The following GFRA1 variants were observed in gnomAD, a reference collection of about 807,000 sequenced individuals.
The protein encoded by GFRA1 is GDNF family receptor alpha-1.
A neutral mutation model predicts 51.6 loss-of-function variants in GFRA1; 16 were observed. The ratio of observed to expected loss-of-function variants is 0.31; its 90% CI spans 0.21 to 0.47. The LOEUF is 0.47. Ranked by LOEUF, GFRA1 falls within the 20% of genes least tolerant of loss-of-function variation. The pLI, the probability that GFRA1 is intolerant of heterozygous loss-of-function variation, is 1.00. For synonymous variants in GFRA1, 270 were observed against 241.3 expected, an observed-to-expected ratio of 1.12 and a Z score of -1.10; for missense variants, 530 against 594.3, an observed-to-expected ratio of 0.89 and a Z score of 1.13.
At chr10:116,238,404 CCT>C (rs1967077549) in intron 4 of GFRA1, among the ~76,000 whole-genome samples, 2 of 152,192 alleles carry the variant, frequency 1.3e-5, no homozygotes, top group Non-Finnish European at 2.9e-5. Flanking sequence ...ACATGGAAGG[CCT>C]GCCTTCCGAA....
chr10:116,159,178 A>G (rs1959481276), intron 5 of GFRA1, among the ~76,000 whole-genome samples: 2 of 152,274 alleles, frequency 1.3e-5, no homozygotes, highest in South Asian at 4.1e-4. Flanking sequence ...CAGAGTTACT[A>G]AAGTCAGGAT....
intron 6 of GFRA1, among the ~76,000 whole-genome samples, chr10:116,102,657 G>A (rs12779467): frequency 0.19 from 28,494 of 152,066 alleles, 2,820 homozygotes; most frequent in East Asian, 0.37. Context: ...CAAGCAAAAG[G>A]GGTTTCCCCT....
intron 4 of GFRA1, among the ~76,000 whole-genome samples, chr10:116,233,339 A>T (rs549880134): frequency 2.4e-4 from 37 of 152,148 alleles, no homozygotes; most frequent in Middle Eastern, 3.4e-3. Context: ...AAAAAAAAAA[A>T]AATTTTTTAA....
intron 5 of GFRA1, among the ~76,000 whole-genome samples, chr10:116,160,191 C>T (rs76618445): frequency 0.031 from 4,696 of 152,220 alleles, 216 homozygotes; most frequent in African/African-American, 0.11. Flanking sequence ...AATAATGTGG[C>T]AGGAAACATT....
chr10:116,232,849 T>C (rs1456664388), intron 4 of GFRA1, among the ~76,000 whole-genome samples: 1 of 152,152 alleles, frequency 6.6e-6, no homozygotes, highest in East Asian at 1.9e-4. Flanking sequence ...CATTCAGAGA[T>C]AACTGCAGGG....
At chr10:116,194,447 C>A (rs777742209) in intron 5 of GFRA1, among the ~76,000 whole-genome samples, 2 of 152,048 alleles carry the variant, frequency 1.3e-5, no homozygotes, top group Admixed American at 6.5e-5. Context: ...CTGAAGAAAT[C>A]GAAAGGGAGT....
At chr10:116,210,610 C>A (rs112105130) in intron 5 of GFRA1, among the ~76,000 whole-genome samples, 5 of 152,152 alleles carry the variant, frequency 3.3e-5, no homozygotes, top group Admixed American at 6.5e-5. Context: ...GACAATACGA[C>A]AGTACCCTCA....
intron 4 of GFRA1, among the ~76,000 whole-genome samples, chr10:116,256,769 C>T (rs1968894398): frequency 6.6e-6 from 1 of 152,206 alleles, no homozygotes; most frequent in Admixed American, 6.5e-5. Flanking sequence ...AGGCAGAAGA[C>T]TGGGGAGTCA....
In GFRA1 at chr10:116,272,201, G is replaced by A. The variant is rs1475052904; in HGVS notation, c.-172C>T. On this transcript the variant is annotated 5_prime_UTR_variant, in exon 2 of 11. Coordinates refer to ENST00000355422, the MANE Select transcript of GFRA1 (RefSeq NM_005264.8). This position sits in a 1 kb window ranked among gnomAD's most constrained non-coding sequence, Gnocchi z 4.4. ...AACTCCGGGTCTGGCAGCAGCCACC[G>A]CCGCCGGCGACTCAGCTCCGGGATG... is the stretch of plus-strand genomic sequence containing the variant. 3 of 665,406 alleles carry A rather than the reference G, an allele frequency of 4.5e-6. No individual in the cohort carries two copies. Among genetic ancestry groups the A allele is most frequent in the Non-Finnish European group, 7.9e-6 (3 of 378,908 alleles). The allele number at this position is 665,406 out of a possible 1,614,324, so 41.2% of individuals were successfully genotyped here.
intron 5 of GFRA1, among the ~76,000 whole-genome samples, chr10:116,193,596 TTC>T (rs1963456850): frequency 6.6e-6 from 1 of 152,094 alleles, no homozygotes; most frequent in South Asian, 2.1e-4. Context: ...GTTGGGGAAA[TTC>T]TGTGTCCTGT....
chr10:116,244,258 TAAAG>T, intron 4 of GFRA1, among the ~76,000 whole-genome samples: 1 of 138,010 alleles, frequency 7.2e-6, no homozygotes, highest in South Asian at 2.3e-4. Context: ...TTCAGTGAGA[TAAAG>T]GAATAGAAAC....
intron 2 of GFRA1, 27 bp from the exon 3 acceptor site, chr10:116,271,142 A>G: frequency 6.3e-7 from 1 of 1,574,884 alleles, no homozygotes; most frequent in Non-Finnish European, 8.7e-7. Context: ...AGGGAGCCTG[A>G]GTGCGGCGGG....
At chr10:116,122,389 G>A (rs537388712) in intron 6 of GFRA1, among the ~76,000 whole-genome samples, 3 of 152,186 alleles carry the variant, frequency 2.0e-5, no homozygotes, top group Non-Finnish European at 2.9e-5. Flanking sequence ...TTTCTGTGCC[G>A]TCAGCTGAGT....
chr10:116,096,178 A>C (rs1345860977), intron 7 of GFRA1, among the ~76,000 whole-genome samples: 1 of 152,168 alleles, frequency 6.6e-6, no homozygotes, highest in Non-Finnish European at 1.5e-5. Context: ...AAGAACATTA[A>C]CAGCAAGCAG....
intron 4 of GFRA1, among the ~76,000 whole-genome samples, chr10:116,222,371 G>C (rs1965985033): frequency 1.3e-5 from 2 of 152,026 alleles, no homozygotes; most frequent in Non-Finnish European, 2.9e-5. Context: ...GCTAATTTTT[G>C]TATTTTTAGT....
chr10:116,187,216 G>GAATGCA (rs1962808825), intron 5 of GFRA1, among the ~76,000 whole-genome samples: 1 of 152,182 alleles, frequency 6.6e-6, no homozygotes, highest in African/African-American at 2.4e-5. Context: ...AACTCCTCCT[G>GAATGCA]AATGCAAATA....
chr10:116,135,120 C>T (rs376121134), intron 5 of GFRA1, among the ~76,000 whole-genome samples: 7 of 152,242 alleles, frequency 4.6e-5, no homozygotes, highest in African/African-American at 1.2e-4. Context: ...TCAGGTGAGG[C>T]GCCTGGTAAG....
chr10:116,135,980 C>T (rs568904725), intron 5 of GFRA1, among the ~76,000 whole-genome samples: 1 of 141,544 alleles, frequency 7.1e-6, no homozygotes, highest in African/African-American at 2.5e-5. Flanking sequence ...GTAGTACTGG[C>T]TCTCAGTTAT....
chr10:116,139,819 G>A (rs371341320), intron 5 of GFRA1, among the ~76,000 whole-genome samples: 1 of 152,208 alleles, frequency 6.6e-6, no homozygotes, highest in Non-Finnish European at 1.5e-5. Flanking sequence ...AGCACAGCCT[G>A]GGTCCCTGCC....
Sources: gnomAD v4.1 joint callset for allele counts (sites outside exome capture counted in the v4.1 genomes callset) on GRCh38, gnomAD v4.1.1 for gene constraint, Gnocchi (gnomAD v3.1) non-coding constraint, MANE v1.5 for transcripts, NCBI Gene and HGNC (gene_info 2026-07-23, HGNC 2026-07-21) for gene names.